The following CCDC7 variants were observed in gnomAD, a reference collection of about 807,000 sequenced individuals.
CCDC7 encodes the protein coiled-coil domain-containing protein 7.
CCDC7 carries 183 observed loss-of-function variants against 196.9 expected under a neutral mutation model. The observed-to-expected ratio is 0.93, with a 90% CI of 0.82 to 1.05. The LOEUF (loss-of-function observed/expected upper bound fraction) is 1.05. CCDC7 is among the 50% of genes least tolerant of loss of function. The pLI, the probability that CCDC7 is intolerant of heterozygous loss-of-function variation, is 0.00. For synonymous variants in CCDC7, 525 were observed against 484.6 expected (o/e 1.08, Z -1.10); for missense variants, 1,540 against 1,482.2 (o/e 1.04, Z -0.64).
chr10:32,493,209 A>G (rs920618843), intron 9 of CCDC7, among the ~76,000 whole-genome samples: 1 of 151,834 alleles, frequency 6.6e-6, no homozygotes, highest in African/African-American at 2.4e-5. Flanking sequence ...TCTGTTCTCT[A>G]TTTCCATGAG....
chr10:32,699,866 CTGTT>C, intron 24 of CCDC7, among the ~76,000 whole-genome samples: 1 of 149,614 alleles, frequency 6.7e-6, no homozygotes, highest in East Asian at 1.9e-4. Flanking sequence ...TGAGAAGTAT[CTGTT>C]CATATCCTAT....
intron 13 of CCDC7, among the ~76,000 whole-genome samples, chr10:32,556,939 C>T (rs1047674509): frequency 2.6e-5 from 4 of 152,202 alleles, no homozygotes; most frequent in African/African-American, 9.6e-5. Flanking sequence ...TATTGCATTT[C>T]TGTGCCTGTT....
chr10:32,465,851 T>C (rs2036658333), intron 5 of CCDC7, among the ~76,000 whole-genome samples: 6 of 152,234 alleles, frequency 3.9e-5, no homozygotes, highest in Admixed American at 2.0e-4. Flanking sequence ...ATATCTCTTC[T>C]AGTGTTCCCT....
At chr10:32,615,067 A>C (rs1564834517) in intron 18 of CCDC7, among the ~76,000 whole-genome samples, 1 of 152,130 alleles carries the variant, frequency 6.6e-6, no homozygotes, top group Non-Finnish European at 1.5e-5. Flanking sequence ...CATTCTCTTT[A>C]TCCATTCCTC....
intron 29 of CCDC7, among the ~76,000 whole-genome samples, chr10:32,787,337 A>C (rs777489384): frequency 6.6e-6 from 1 of 152,160 alleles, no homozygotes; most frequent in Non-Finnish European, 1.5e-5. Context: ...AAGATTTCCT[A>C]GTGCTTTTGC....
intron 21 of CCDC7, among the ~76,000 whole-genome samples, chr10:32,668,241 G>A (rs1448179243): frequency 6.6e-6 from 1 of 152,134 alleles, no homozygotes; most frequent in Non-Finnish European, 1.5e-5. Context: ...CTTTGCTGAA[G>A]TTGCCTATCA....
At chr10:32,868,128 T>C (rs1593634095) in intron 41 of CCDC7, among the ~76,000 whole-genome samples, 1 of 152,000 alleles carries the variant, frequency 6.6e-6, no homozygotes, top group African/African-American at 2.4e-5. Flanking sequence ...TCATATTACA[T>C]TGTATGTATA....
intron 13 of CCDC7, among the ~76,000 whole-genome samples, chr10:32,549,306 G>A (rs1319099239): frequency 1.3e-5 from 2 of 152,076 alleles, no homozygotes; most frequent in East Asian, 3.9e-4. Flanking sequence ...ATAGATATTA[G>A]GTGTTAGTCC....
intron 29 of CCDC7, among the ~76,000 whole-genome samples, chr10:32,799,335 T>G (rs2134962515): frequency 6.6e-6 from 1 of 152,310 alleles, no homozygotes; most frequent in South Asian, 2.1e-4. Flanking sequence ...CATCCCTATC[T>G]GCCACTGACA....
At chr10:32,766,713 A>G (rs2078360076) in intron 28 of CCDC7, among the ~76,000 whole-genome samples, 1 of 152,058 alleles carries the variant, frequency 6.6e-6, no homozygotes, top group South Asian at 2.1e-4. Flanking sequence ...ATAGTTTGGC[A>G]TGCAGGTAGT....
chr10:32,826,276 G>T (rs567738411), intron 32 of CCDC7, among the ~76,000 whole-genome samples: 132 of 152,312 alleles, frequency 8.7e-4, no homozygotes, highest in African/African-American at 3.1e-3. Flanking sequence ...TATATGAGCA[G>T]AAATTTGAAG....
chr10:32,444,848 ATGT>A (rs2030597715), upstream of CCDC7, among the ~76,000 whole-genome samples: 1 of 137,810 alleles, frequency 7.3e-6, no homozygotes, highest in African/African-American at 2.7e-5. Flanking sequence ...ATATGCCTTC[ATGT>A]TTTTTTTTTT....
chr10:32,863,697 T>C (rs1290486131), intron 41 of CCDC7, among the ~76,000 whole-genome samples: 1 of 151,834 alleles, frequency 6.6e-6, no homozygotes, highest in African/African-American at 2.4e-5. Flanking sequence ...TGGATTTCTA[T>C]ATGCAAAAAA....
intron 8 of CCDC7, 108 bp from the exon 10 acceptor site, chr10:32,491,814 C>T: frequency 9.3e-7 from 1 of 1,070,460 alleles, no homozygotes; most frequent in Non-Finnish European, 1.3e-6. Context: ...ATGCTAGCCC[C>T]TCTTTATGTT....
intron 25 of CCDC7, among the ~76,000 whole-genome samples, chr10:32,715,442 A>G (rs1017187195): frequency 6.6e-6 from 1 of 152,246 alleles, no homozygotes; most frequent in African/African-American, 2.4e-5. Flanking sequence ...GAAGATGAGT[A>G]AAAACCAGTG....
intron 41 of CCDC7, among the ~76,000 whole-genome samples, chr10:32,869,797 A>G (rs190543912): frequency 1.2e-5 from 1 of 80,218 alleles, no homozygotes; most frequent in East Asian, 2.3e-4. Flanking sequence ...AGCCAGCACC[A>G]TTTATTAAAT....
chr10:32,777,613 T>C (rs574355804), intron 28 of CCDC7, among the ~76,000 whole-genome samples: 1 of 152,258 alleles, frequency 6.6e-6, no homozygotes, highest in East Asian at 1.9e-4. Context: ...TCCCAGCACT[T>C]TGGGAGGCCA....
intron 24 of CCDC7, among the ~76,000 whole-genome samples, chr10:32,710,319 G>A (rs940687918): frequency 8.5e-5 from 13 of 152,210 alleles, no homozygotes; most frequent in Non-Finnish European, 2.9e-5. Context: ...GTCATAAGCT[G>A]TCTGTCATTG....
intron 28 of CCDC7, among the ~76,000 whole-genome samples, chr10:32,735,828 T>C (rs1012908583): frequency 1.3e-5 from 2 of 152,226 alleles, no homozygotes; most frequent in Non-Finnish European, 2.9e-5. Context: ...TATGATCCAC[T>C]ATGAGTTCAT....
Sources: gnomAD v4.1 joint callset for allele counts (sites outside exome capture counted in the v4.1 genomes callset) on GRCh38, gnomAD v4.1.1 for gene constraint, MANE v1.5 for transcripts, NCBI Gene and HGNC (gene_info 2026-07-23, HGNC 2026-07-21) for gene names.